GLI3: variants seen among roughly 807,000 people sequenced by gnomAD.
GLI3 encodes transcription activator GLI3.
A neutral mutation model predicts 100.8 loss-of-function variants in GLI3; 20 were observed. The ratio of observed to expected loss-of-function variants is 0.20; its 90% confidence interval spans 0.14 to 0.29. The LOEUF (loss-of-function observed/expected upper bound fraction) is 0.29. Ranked by LOEUF, GLI3 falls within the 10% of genes least tolerant of loss-of-function variation. GLI3 has a pLI of 1.00. For missense variants in GLI3, 2,040 were observed against 2,128.5 expected (o/e 0.96, Z 0.82); for synonymous variants, 938 against 860.5 (o/e 1.09, Z -1.58).
At chr7:42,040,270 C>T in intron 6 of GLI3, 31 bp from the exon 7 acceptor site, 1 of 1,478,358 alleles carries the variant, frequency 6.8e-7, no homozygotes, top group Non-Finnish European at 9.5e-7. Flanking sequence ...AACCTAATTA[C>T]CTGCAGTTGG....
Position 41,993,739 on chromosome 7 carries a change from G to A in GLI3, c.1498-14991C>T, listed in dbSNP as rs150463945. ...AAGCTTTGGAGCCAATGTGGTCCCA[G>A]GCCTCAATATACTCCCAACCGGCTG... On this transcript the variant is annotated intron_variant, in intron 10 of 14. Coordinates refer to ENST00000395925, the MANE Select transcript of GLI3 (RefSeq NM_000168.6). 7.9e-5 allele frequency among the ~76,000 whole-genome samples: 12 copies of A among 152,280 alleles called. No individual in the cohort carries two copies. The East Asian group carries it at 2.1e-3, about 27-fold the overall frequency.
At chr7:42,147,645 G>A (rs569329802) in intron 3 of GLI3, among the ~76,000 whole-genome samples, 108 of 152,268 alleles carry the variant, frequency 7.1e-4, no homozygotes, top group African/African-American at 2.4e-3. Flanking sequence ...AACGTGATTA[G>A]TGCTGAGAAA....
chr7:42,047,937 CCCCACCTGAT>C (rs1366699981), intron 5 of GLI3, among the ~76,000 whole-genome samples: 3 of 152,180 alleles, frequency 2.0e-5, no homozygotes, highest in African/African-American at 7.2e-5. Context: ...GAATCTCAGG[CCCCACCTGAT>C]CCCACCTGAT....
chr7:41,963,924 C>CGCCGTATCAT lies in GLI3; in HGVS notation c.*405_*406insATGATACGGC. Reference sequence around the variant, plus strand: ...AAAGCTGGAAGTGTAACCCCTTGGTCACAAGCACACCAACTCCTATTTCCT... The same window carrying CGCCGTATCAT: ...AAAGCTGGAAGTGTAACCCCTTGGTCGCCGTATCATACAAGCACACCAACTCCTATTTCCT... On this transcript the variant is annotated 3_prime_UTR_variant, in exon 15 of 15. Transcript: ENST00000395925. 5.7e-6 allele frequency: 1 copy of CGCCGTATCAT among 174,314 alleles called. No individual in the cohort carries two copies. The highest frequency in any genetic ancestry group is 1.3e-4 in the South Asian group (1 of 7,650). The allele number at this position is 174,314 out of a possible 1,614,324, so 10.8% of individuals were successfully genotyped here.
chr7:42,048,806 G>C, intron 4 of GLI3, 110 bp from the exon 5 acceptor site: 1 of 784,760 alleles, frequency 1.3e-6, no homozygotes, highest in Non-Finnish European at 2.2e-6. Context: ...ATTCAAAGGA[G>C]CCTTGTGGAA....
intron 2 of GLI3, among the ~76,000 whole-genome samples, chr7:42,217,273 G>A (rs1240898005): frequency 2.6e-5 from 4 of 152,094 alleles, no homozygotes; most frequent in African/African-American, 7.2e-5. Context: ...GTGATGGTGC[G>A]GTTTCAAGCC....
chr7:42,084,292 T>C (rs1227318609), intron 3 of GLI3, among the ~76,000 whole-genome samples: 1 of 152,242 alleles, frequency 6.6e-6, no homozygotes, highest in Admixed American at 6.5e-5. Context: ...ATGCCAAATG[T>C]TCCTCTGCAA....
intron 1 of GLI3, among the ~76,000 whole-genome samples, chr7:42,225,069 C>T (rs1788557959): frequency 1.3e-5 from 2 of 152,156 alleles, no homozygotes; most frequent in South Asian, 4.1e-4. Flanking sequence ...TTTGATGGTC[C>T]CTTCTAGCTC....
chr7:42,073,059 G>T (rs1423570003), intron 4 of GLI3, among the ~76,000 whole-genome samples: 1 of 152,104 alleles, frequency 6.6e-6, no homozygotes. Flanking sequence ...TACAATGCAG[G>T]AATTGTACAT....
intron 1 of GLI3, among the ~76,000 whole-genome samples, chr7:42,244,053 C>T (rs1224779838): frequency 6.6e-6 from 1 of 152,116 alleles, no homozygotes; most frequent in East Asian, 1.9e-4. Flanking sequence ...AGGCTGGTCT[C>T]GAACTTCTGA....
intron 3 of GLI3, among the ~76,000 whole-genome samples, chr7:42,116,124 A>G (rs2128768762): frequency 1.3e-5 from 2 of 152,264 alleles, no homozygotes; most frequent in Middle Eastern, 3.4e-3. Flanking sequence ...TGCAAGACCT[A>G]TCTTGACAGA....
chr7:42,088,393 CTTG>C (rs138461384), intron 3 of GLI3, among the ~76,000 whole-genome samples: 6,234 of 152,332 alleles, frequency 0.041, 176 homozygotes, highest in South Asian at 0.075. Flanking sequence ...GGCTTCCTCT[CTTG>C]TTGGCTACCC....
At chr7:42,196,216 C>G (rs991631661) in intron 2 of GLI3, among the ~76,000 whole-genome samples, 19 of 152,152 alleles carry the variant, frequency 1.2e-4, no homozygotes, top group African/African-American at 3.9e-4. Flanking sequence ...TTTAAAGGGA[C>G]CTACCTCTCA....
At chr7:42,124,293 C>G (rs972895028) in intron 3 of GLI3, among the ~76,000 whole-genome samples, 1 of 152,134 alleles carries the variant, frequency 6.6e-6, no homozygotes, top group African/African-American at 2.4e-5. Context: ...ACTACAGGAG[C>G]TTAGCTTGTT....
chr7:42,114,902 A>G (rs1785810685), intron 3 of GLI3, among the ~76,000 whole-genome samples: 2 of 151,928 alleles, frequency 1.3e-5, no homozygotes, highest in Admixed American at 6.6e-5. Context: ...GGGTTTCACC[A>G]TGTTAGCCAG....
intron 2 of GLI3, among the ~76,000 whole-genome samples, chr7:42,182,679 TATACAC>T (rs1296995814): frequency 2.5e-4 from 15 of 59,402 alleles, no homozygotes; most frequent in African/African-American, 5.0e-4. Context: ...TATATATATA[TATACAC>T]ATGTGTGTAT....
In GLI3 at chr7:41,972,302, C is replaced by T. The variant is rs1787383943; in HGVS notation, c.2103+35G>A. The T allele has an allele frequency of 3.1e-6, 5 of 1,601,912 alleles. No homozygotes were observed. Among genetic ancestry groups the T allele is most frequent in the Non-Finnish European group, 4.3e-6 (5 of 1,169,710 alleles). On this transcript the variant is annotated intron_variant, in intron 13 of 14. Transcript: ENST00000395925. The surrounding 1 kb of genome is among the most constrained non-coding windows in gnomAD (Gnocchi z 4.4). ...CCCTACCTGGCTCTTTTAAATGGGCCTGCTGTGAAGTCAGAAGGAGAGTGA... is the reference window on the plus strand; with the variant it reads ...CCCTACCTGGCTCTTTTAAATGGGCTTGCTGTGAAGTCAGAAGGAGAGTGA...
At position 42,045,469 on chromosome 7, in the gene GLI3, C is replaced by G. The variant is rs1784226951; in HGVS notation, c.741G>C (p.Gln247His). 1 of 1,613,866 alleles carries G rather than the reference C, an allele frequency of 6.2e-7. No homozygotes were observed. The highest frequency in any genetic ancestry group is 1.3e-5 in the African/African-American group (1 of 74,924). Residue 247 changes from glutamine to histidine, a missense_variant, in exon 6 of 15, where the codon CAG becomes CAC. Physicochemically the swap from Gln to His is conservative, Grantham distance 24. This residue lies in a region of GLI3 where 603 missense variants were observed against 690.9 expected (regional missense o/e 0.87). Transcript: ENST00000395925. ...YYHQMALLTG[Q>H]RSPYADIIPS... ...GAATAATGTCTGCATAGGGGCTGCG[C>G]TGGCCAGTTAGCAGGGCCATCTGAT...
chr7:42,222,763 G>T (rs1029940960), intron 2 of GLI3: 1 of 239,096 alleles, frequency 4.2e-6, no homozygotes, highest in Non-Finnish European at 8.4e-6. Context: ...GACAACTTTT[G>T]TGTCTTTTGT....
Sources: allele counts gnomAD v4.1 joint callset (sites outside exome capture counted in the v4.1 genomes callset), GRCh38; gene constraint gnomAD v4.1.1; regional missense constraint gnomAD v4.1.1; non-coding constraint Gnocchi (gnomAD v3.1); transcripts MANE v1.5; gene names NCBI Gene and HGNC (gene_info 2026-07-23, HGNC 2026-07-21).